The following SLIT3 variants were observed in gnomAD, a reference collection of about 807,000 sequenced individuals.
SLIT3 encodes slit guidance ligand 3, also known as slit homolog 3 protein.
SLIT3 carries 68 observed loss-of-function variants against 184.0 expected under a neutral mutation model. That is an observed-to-expected ratio of 0.37 (90% CI 0.30 to 0.45). The LOEUF is 0.45. Among genes scored for constraint, SLIT3 ranks in the 20% least tolerant of loss-of-function variants. The probability of loss-of-function intolerance (pLI) is 1.00; values close to 1 mark genes in which losing one functional copy is unlikely to be tolerated. For missense variants in SLIT3, 1,707 were observed against 2,026.0 expected, an observed-to-expected ratio of 0.84 and a Z score of 3.02; for synonymous variants, 831 against 828.6, an observed-to-expected ratio of 1.00 and a Z score of -0.05.
At chr5:168,950,190 CCA>C (rs1762606867) in intron 4 of SLIT3, among the ~76,000 whole-genome samples, 1 of 152,038 alleles carries the variant, frequency 6.6e-6, no homozygotes, top group African/African-American at 2.4e-5. Context: ...AAAAGGGACC[CCA>C]GAGAGCTGCC....
At chr5:168,700,297 G>A (rs1452739575) in intron 27 of SLIT3, among the ~76,000 whole-genome samples, 5 of 152,230 alleles carry the variant, frequency 3.3e-5, no homozygotes, top group African/African-American at 7.2e-5. Context: ...ATTGAATCAC[G>A]GGGGCAGTTT....
In SLIT3 at chr5:168,789,683, G is replaced by A. The variant is rs745418320; in HGVS notation, c.1008-52C>T. ...GAACATGGCTCAAAGGTGCGATAAC[G>A]GTCACTCCTAAGTGTGAATCAAGCA... On this transcript the variant is annotated intron_variant, in intron 10 of 35. Coordinates refer to ENST00000519560, the MANE Select transcript of SLIT3 (RefSeq NM_003062.4). The A allele has an allele frequency of 1.0e-5, 14 of 1,344,176 alleles. No individual in the cohort carries two copies. In the East Asian group the frequency reaches 1.2e-4, roughly 11 times the overall value. The allele number at this position is 1,344,176 out of a possible 1,614,324, so 83.3% of individuals were successfully genotyped here.
chr5:169,274,001 A>G (rs914170142), intron 1 of SLIT3, among the ~76,000 whole-genome samples: 1 of 152,230 alleles, frequency 6.6e-6, no homozygotes. Context: ...TAGGGGAACA[A>G]CAAAGGCAGA....
intron 5 of SLIT3, among the ~76,000 whole-genome samples, chr5:168,852,121 A>T (rs991793520): frequency 2.0e-5 from 3 of 152,174 alleles, no homozygotes; most frequent in Non-Finnish European, 4.4e-5. Context: ...CTCCATAGTG[A>T]TGGGGGCAGG....
At chr5:169,209,190 CAT>C (rs1249090692) in intron 3 of SLIT3, among the ~76,000 whole-genome samples, 5 of 152,078 alleles carry the variant, frequency 3.3e-5, no homozygotes, top group Admixed American at 6.6e-5. Flanking sequence ...AGCCAACAAA[CAT>C]ATGAAAAAAA....
chr5:169,114,734 CT>C (rs1354558995), intron 4 of SLIT3, among the ~76,000 whole-genome samples: 1 of 152,210 alleles, frequency 6.6e-6, no homozygotes, highest in Admixed American at 6.5e-5. Context: ...GTTCTTTCCT[CT>C]TAGGGCTGGA....
At chr5:168,967,211 A>G (rs1380718128) in intron 4 of SLIT3, among the ~76,000 whole-genome samples, 3 of 152,136 alleles carry the variant, frequency 2.0e-5, no homozygotes, top group African/African-American at 7.2e-5. Flanking sequence ...GTATAATCCA[A>G]TGCTATAAAT....
chr5:168,701,527 G>A (rs778221856), intron 26 of SLIT3, among the ~76,000 whole-genome samples: 5 of 152,192 alleles, frequency 3.3e-5, no homozygotes, highest in Non-Finnish European at 7.3e-5. Context: ...AGAGGAGCGT[G>A]CCAGGCAGCA....
intron 4 of SLIT3, among the ~76,000 whole-genome samples, chr5:169,186,937 G>C (rs952004323): frequency 1.1e-4 from 17 of 152,044 alleles, no homozygotes; most frequent in African/African-American, 4.1e-4. Context: ...GTTGTCGGGT[G>C]CCTGGGGATT....
intron 4 of SLIT3, among the ~76,000 whole-genome samples, chr5:169,166,737 T>A (rs77479980): frequency 0.037 from 5,655 of 152,148 alleles, 142 homozygotes; most frequent in South Asian, 0.095. Flanking sequence ...CAGGTGAGAG[T>A]AACTCCAGAA....
At chr5:169,274,421 C>T (rs543857765) in intron 1 of SLIT3, among the ~76,000 whole-genome samples, 4 of 152,176 alleles carry the variant, frequency 2.6e-5, no homozygotes, top group African/African-American at 7.2e-5. Flanking sequence ...TAGAGGCCAA[C>T]CACGCAGAGT....
chr5:169,290,444 CACTAGGGCACAT>C (rs1767320289), intron 1 of SLIT3, among the ~76,000 whole-genome samples: 1 of 148,966 alleles, frequency 6.7e-6, no homozygotes, highest in Admixed American at 6.6e-5. Flanking sequence ...CTAGGTTGCG[CACTAGGGCACAT>C]GCTAGGGCAC....
chr5:168,933,295 G>A (rs899709463), intron 4 of SLIT3, among the ~76,000 whole-genome samples: 1 of 152,156 alleles, frequency 6.6e-6, no homozygotes, highest in Admixed American at 6.5e-5. Flanking sequence ...TGTAATCCTG[G>A]CACTTTGGGA....
chr5:169,044,563 T>C (rs1227700240), intron 4 of SLIT3, among the ~76,000 whole-genome samples: 7 of 129,740 alleles, frequency 5.4e-5, no homozygotes. Context: ...AGTAGATTAG[T>C]ATTTGCTGGG....
intron 7 of SLIT3, among the ~76,000 whole-genome samples, chr5:168,819,768 C>T (rs1319826490): frequency 6.6e-6 from 1 of 152,182 alleles, no homozygotes; most frequent in Non-Finnish European, 1.5e-5. Context: ...CTGTCTCAAT[C>T]CTGGCTGGCT....
chr5:168,806,906 A>T (rs1422529854), intron 8 of SLIT3, among the ~76,000 whole-genome samples: 1 of 152,202 alleles, frequency 6.6e-6, no homozygotes, highest in Admixed American at 6.5e-5. Context: ...CAAAGAGCAT[A>T]TGATGGGACC....
chr5:168,743,684 T>A (rs1226346626), intron 20 of SLIT3, among the ~76,000 whole-genome samples: 1 of 152,154 alleles, frequency 6.6e-6, no homozygotes, highest in Admixed American at 6.5e-5. Flanking sequence ...GGAAGACATA[T>A]CAAAAACGAA....
chr5:168,745,130 G>C (rs141676781), intron 20 of SLIT3, among the ~76,000 whole-genome samples: 42 of 152,290 alleles, frequency 2.8e-4, no homozygotes, highest in African/African-American at 9.9e-4. Flanking sequence ...ACCTTGAGGG[G>C]TTCAAGACTT....
intron 3 of SLIT3, among the ~76,000 whole-genome samples, chr5:169,238,564 A>G (rs1267043994): frequency 3.9e-5 from 1 of 25,894 alleles, no homozygotes; most frequent in African/African-American, 1.5e-4. Flanking sequence ...TTTTTTTTTT[A>G]AGATTTAAGA....
Sources: allele counts gnomAD v4.1 joint callset (sites outside exome capture counted in the v4.1 genomes callset), GRCh38; gene constraint gnomAD v4.1.1; transcripts MANE v1.5; gene names NCBI Gene and HGNC (gene_info 2026-07-23, HGNC 2026-07-21).